Variants in NEB observed in about 807,000 individuals in gnomAD.
NEB encodes the protein nemaline myopathy type 2.
Under a neutral mutation model 952.2 loss-of-function variants are expected in NEB, and 512 were observed. The observed-to-expected ratio is 0.54, with a 90% confidence interval of 0.50 to 0.58. The LOEUF is 0.58. Among genes scored for constraint, NEB ranks in the 20% least tolerant of loss-of-function variants. The pLI is 0.00. For missense variants in NEB, 8,428 were observed against 9,231.1 expected, an observed-to-expected ratio of 0.91 and a Z score of 3.56; for synonymous variants, 2,900 against 3,149.8, an observed-to-expected ratio of 0.92 and a Z score of 2.66.
intron 3 of NEB, among the ~76,000 whole-genome samples, chr2:151,731,285 CT>C (rs778423688): frequency 6.6e-6 from 1 of 152,104 alleles, no homozygotes; most frequent in African/African-American, 2.4e-5. Context: ...AAATCTCACT[CT>C]TTTTTTAGAG....
chr2:151,670,862 T>C (rs2099277328), intron 38 of NEB, among the ~76,000 whole-genome samples, 161 bp downstream of exon 38: 1 of 152,216 alleles, frequency 6.6e-6, no homozygotes, highest in Non-Finnish European at 1.5e-5. Flanking sequence ...ATGTTCAAGA[T>C]CCCAGTTGCC....
chr2:151,673,436 TAA>T (rs35236177), intron 36 of NEB, among the ~76,000 whole-genome samples: 3 of 132,014 alleles, frequency 2.3e-5, no homozygotes, highest in African/African-American at 2.8e-5. Context: ...GTGTAAGTGC[TAA>T]AAAAAAAAAA....
chr2:151,713,768 C>G (rs995687177), intron 10 of NEB, among the ~76,000 whole-genome samples: 1 of 152,092 alleles, frequency 6.6e-6, no homozygotes, highest in Non-Finnish European at 1.5e-5. Context: ...TATGTTAGAG[C>G]TACAAAATAC....
chr2:151,724,224 T>C (rs769314536), intron 8 of NEB, 36 bp downstream of exon 8: 4 of 1,462,290 alleles, frequency 2.7e-6, no homozygotes, highest in African/African-American at 2.8e-5. Flanking sequence ...TGGGATGACA[T>C]AGGAAGACAG....
rs1489769393 is a variant in NEB at position 151,669,124 on chromosome 2, T to C, written c.4514A>G (p.Tyr1505Cys). 9 of 1,570,828 alleles carry C rather than the reference T, an allele frequency of 5.7e-6. No homozygotes were observed. The highest frequency in any genetic ancestry group is 7.8e-6 in the Non-Finnish European group (9 of 1,154,022). ...CTTCAGTTTCTCTCCCTCTACCTTG[T>C]AGTTCAACTAAAAACAAAGGAGACA... ...HNTKQLSDLNYKVEGEKLKHK... is the reference protein window; with the variant it reads ...HNTKQLSDLNCKVEGEKLKHK... The change falls in exon 39 of 182, where the codon TAC (tyrosine) becomes TGC (cysteine). Residue 1505 changes from tyrosine to cysteine, a missense_variant. Tyr to Cys is a radical substitution (Grantham distance 194). Transcript: ENST00000397345.
In NEB at chr2:151,732,698, A is replaced by T. The variant is rs62174756; in HGVS notation, c.36+423T>A. Among the ~76,000 whole-genome samples, 1,321 of 152,318 alleles carry T rather than the reference A, an allele frequency of 8.7e-3. 13 individuals are homozygous for T. The highest frequency in any genetic ancestry group is 0.024 in the Middle Eastern group (7 of 294). On this transcript the variant is annotated intron_variant, in intron 3 of 181. Coordinates refer to ENST00000397345, the MANE Select transcript of NEB (RefSeq NM_001164508.2). The stretch of plus-strand genomic sequence containing the variant: ...TCTAACCCATGTTACCCTATAGATG[A>T]TTAGCTAGTTGAAGCAAAGAATAAG...
Position 151,507,065 on chromosome 2 carries a change from CTTTA to C in NEB, c.23452-56_23452-53del. On this transcript the variant is annotated intron_variant, in intron 162 of 181. Coordinates refer to ENST00000397345, the MANE Select transcript of NEB (RefSeq NM_001164508.2). ...TAAGATTTCAACATTGCTTTGTTTTCTTTATTTGTCCTATATTATGTGAAGAAAA... is the reference window on the plus strand; with the variant it reads ...TAAGATTTCAACATTGCTTTGTTTTCTTTGTCCTATATTATGTGAAGAAAA... 10 of 1,122,548 alleles carry C rather than the reference CTTTA, an allele frequency of 8.9e-6. No homozygotes were observed. In the Middle Eastern group the frequency reaches 1.1e-3, roughly 124 times the overall value. The allele number at this position is 1,122,548 out of a possible 1,614,324, so 69.5% of individuals were successfully genotyped here.
Position 151,614,316 on chromosome 2 carries a change from T to C in NEB, c.11561A>G (p.Asp3854Gly), listed in dbSNP as rs891933260. Residue 3854 changes from aspartate (D) to glycine (G), a missense_variant, in exon 77 of 182, where the codon GAC (aspartate) becomes GGC (glycine). Asp to Gly is a moderately conservative substitution (Grantham distance 94). Coordinates refer to ENST00000397345, the MANE Select transcript of NEB (RefSeq NM_001164508.2). ...HEWTCLPDQN[D>G]VIQARKAYDL... Reference sequence around the variant, plus strand: ...ATAGGCCTTCCGAGCCTGAATGACGTCATTCTGATCAGGCAGGCAGGTCCA... The same window carrying C: ...ATAGGCCTTCCGAGCCTGAATGACGCCATTCTGATCAGGCAGGCAGGTCCA... 1 of 1,613,782 alleles carries C rather than the reference T, an allele frequency of 6.2e-7. No individual in the cohort carries two copies. The highest frequency in any genetic ancestry group is 1.3e-5 in the African/African-American group (1 of 74,920).
intron 70 of NEB, among the ~76,000 whole-genome samples, chr2:151,626,681 C>T (rs530658048): frequency 1.3e-5 from 2 of 151,470 alleles, no homozygotes; most frequent in South Asian, 4.2e-4. Flanking sequence ...GGACTACAGG[C>T]GTCTGCCACC....
intron 75 of NEB, among the ~76,000 whole-genome samples, chr2:151,616,440 G>T (rs925827893): frequency 1.3e-5 from 2 of 152,118 alleles, no homozygotes; most frequent in Non-Finnish European, 2.9e-5. Context: ...TGTAATCCCA[G>T]CACTTTGGGA....
In NEB at chr2:151,498,243, CTT is replaced by C. The variant is rs1480179549; in HGVS notation, c.24207+15_24207+16del. ...CTGAAGTTAAGTGGCATTTTTTCCC[CTT>C]TCTTTCCAAAATACCGAGCTAAGGT... On this transcript the variant is annotated intron_variant, in intron 170 of 181. Transcript: ENST00000397345. 8.8e-5 allele frequency: 136 copies of C among 1,550,590 alleles called. No homozygotes were observed. The highest frequency in any genetic ancestry group is 1.2e-4 in the Non-Finnish European group (134 of 1,146,330).
chr2:151,567,117 C>G (rs2096440967), intron 114 of NEB, 51 bp downstream of exon 114: 1 of 1,443,876 alleles, frequency 6.9e-7, no homozygotes, highest in Admixed American at 2.1e-5. Flanking sequence ...GCTCATCATT[C>G]TCAGAGTGTA....
rs368312506 is a variant in NEB, at chr2:151,616,017, T to C, written c.11274A>G (p.Arg3758=). 1.2e-6 allele frequency: 2 copies of C among 1,611,988 alleles called. No homozygotes were observed. The highest frequency in any genetic ancestry group is 2.7e-5 in the African/African-American group (2 of 74,836). Residue 3758 remains arginine, a synonymous_variant, in exon 76 of 182, where the codon AGA becomes AGG. Transcript: ENST00000397345. ...AIPIQAAKAS[R]DIASDYKYKE... is the part of the protein sequence containing the mutation. ...ATCCACTTACATCACTAGCAATATC[T>C]CTTGAAGCCTTGGCTGCTTGGATTG...
intron 116 of NEB, 88 bp downstream of exon 116, chr2:151,565,413 G>A (rs1245661228): frequency 7.2e-6 from 7 of 967,118 alleles, no homozygotes; most frequent in Non-Finnish European, 1.1e-5. Context: ...TTTTTTACAA[G>A]CAATTATCTA....
chr2:151,672,524 G>C lies in NEB; in HGVS notation c.4144C>G (p.His1382Asp), dbSNP rs2099313352. 6.2e-7 allele frequency: 1 copy of C among 1,614,018 alleles called. No individual in the cohort carries two copies. The highest frequency in any genetic ancestry group is 8.5e-7 in the Non-Finnish European group (1 of 1,179,896). ...ATGCTAACCATGTCCCCAGGGGTAT[G>C]GTAGCTGGTTTTGGTGTTCTCATAG... ...KNYENTKTSY[H>D]TPGDMVSITA... The change falls in exon 37 of 182, where the codon CAT (histidine) becomes GAT (aspartate). Residue 1382 changes from histidine (H) to aspartate (D), a missense_variant. By Grantham distance (81) the His-to-Asp change is moderately conservative. Around this residue, in one of 11 missense-constraint regions of NEB, gnomAD observed 2,851 missense variants for 2,791.5 expected, o/e 1.02. Coordinates refer to ENST00000397345, the MANE Select transcript of NEB (RefSeq NM_001164508.2).
intron 73 of NEB, 112 bp downstream of exon 73, chr2:151,619,339 G>A: frequency 8.4e-7 from 1 of 1,189,004 alleles, no homozygotes; most frequent in Non-Finnish European, 1.2e-6. Flanking sequence ...ACATTTAATT[G>A]TAAATTGTTT....
intron 142 of NEB, among the ~76,000 whole-genome samples, chr2:151,535,277 C>T: frequency 6.6e-6 from 1 of 152,202 alleles, no homozygotes; most frequent in Non-Finnish European, 1.5e-5. Context: ...CTTCTAACAA[C>T]TGACATTTTG....
At chr2:151,511,532 T>C (rs1341511076) in intron 161 of NEB, among the ~76,000 whole-genome samples, 1 of 152,136 alleles carries the variant, frequency 6.6e-6, no homozygotes, top group Non-Finnish European at 1.5e-5. Flanking sequence ...AATTCCAGAG[T>C]TGGACCAGCG....
chr2:151,666,601 A>T (rs1476482947), intron 40 of NEB, among the ~76,000 whole-genome samples, 200 bp from the exon 41 acceptor site: 2 of 152,334 alleles, frequency 1.3e-5, no homozygotes, highest in Middle Eastern at 3.4e-3. Flanking sequence ...ATCATTAAAA[A>T]TGGAATAATG....
Sources: allele counts gnomAD v4.1 joint callset (sites outside exome capture counted in the v4.1 genomes callset), GRCh38; gene constraint gnomAD v4.1.1; regional missense constraint gnomAD v4.1.1; transcripts MANE v1.5; gene names NCBI Gene and HGNC (gene_info 2026-07-23, HGNC 2026-07-21).